The following PDE9A variants were observed in gnomAD, a reference collection of about 807,000 sequenced individuals.
PDE9A encodes the protein high affinity cGMP-specific 3',5'-cyclic phosphodiesterase 9A.
Under a neutral mutation model 87.4 loss-of-function variants are expected in PDE9A, and 60 were observed. The ratio of observed to expected loss-of-function variants is 0.69; its 90% CI spans 0.56 to 0.85. The LOEUF is 0.85. PDE9A is among the 40% of genes least tolerant of loss of function. The probability of loss-of-function intolerance (pLI) is 0.00; values close to 1 mark genes in which losing one functional copy is unlikely to be tolerated. For synonymous variants in PDE9A, 272 were observed against 279.4 expected (o/e 0.97, Z 0.27); for missense variants, 665 against 779.0 (o/e 0.85, Z 1.74).
At chr21:42,685,040 G>A (rs149688328) in intron 1 of PDE9A, among the ~76,000 whole-genome samples, 1 of 152,080 alleles carries the variant, frequency 6.6e-6, no homozygotes, top group African/African-American at 2.4e-5. Context: ...CTAGGCCTGC[G>A]TTTCCCCCAC....
At chr21:42,670,409 T>C (rs62650032) in intron 1 of PDE9A, among the ~76,000 whole-genome samples, 14,765 of 97,454 alleles carry the variant, frequency 0.15, 885 homozygotes, top group African/African-American at 0.23. Flanking sequence ...CATTCACACA[T>C]ACATTCACAC....
At chr21:42,687,776 C>A in intron 2 of PDE9A, 141 bp from the exon 3 acceptor site, 1 of 661,304 alleles carries the variant, frequency 1.5e-6, no homozygotes, top group South Asian at 1.8e-5. Flanking sequence ...GGCCTCCCAC[C>A]CTTCCCATCC....
At chr21:42,773,339 A>G (rs2057194483) in intron 19 of PDE9A, among the ~76,000 whole-genome samples, 1 of 152,086 alleles carries the variant, frequency 6.6e-6, no homozygotes, top group African/African-American at 2.4e-5. Context: ...AATAATTAGC[A>G]TATGTATCAC....
At chr21:42,730,484 G>A (rs555390700) in intron 4 of PDE9A, among the ~76,000 whole-genome samples, 1 of 151,784 alleles carries the variant, frequency 6.6e-6, no homozygotes, top group African/African-American at 2.4e-5. Flanking sequence ...AAATGCATAA[G>A]AAAAAGGGGA....
chr21:42,739,112 C>A lies in PDE9A; in HGVS notation c.569-4664C>A, dbSNP rs1194790022. On this transcript the variant is annotated intron_variant, in intron 7 of 19. Transcript: ENST00000291539. This position sits in a 1 kb window ranked among gnomAD's most constrained non-coding sequence, Gnocchi z 4.1. The stretch of plus-strand genomic sequence containing the variant: ...AGGCAGCCGTGGGCTGGGCTCCCAG[C>A]CCCCTAGCAGGGTCCAGTGGGCCAG... Among the ~76,000 whole-genome samples, 1 of 152,248 alleles carries A rather than the reference C, an allele frequency of 6.6e-6. No homozygotes were observed. The highest frequency in any genetic ancestry group is 1.9e-4 in the East Asian group (1 of 5,198).
rs540476796 is a variant in PDE9A at position 42,769,226 on chromosome 21, C to T, written c.1590+71C>T. On this transcript the variant is annotated intron_variant, in intron 17 of 19. Transcript: ENST00000291539. ...ATGCATGCACACACAGGCACACACA[C>T]ATATACACATATGCACACAGGTACA... is the stretch of plus-strand genomic sequence containing the variant. 7.7e-5 allele frequency: 105 copies of T among 1,366,498 alleles called. No homozygotes were observed. In the African/African-American group the frequency reaches 1.4e-3, roughly 18 times the overall value. 84.6% of individuals were successfully genotyped at this position (1,366,498 alleles called of 1,614,324 possible). A position where few individuals can be genotyped will look rare whatever the true frequency, so the allele number is the denominator to read the frequency against.
chr21:42,678,538 A>G (rs1377189155), intron 1 of PDE9A, among the ~76,000 whole-genome samples: 3 of 152,226 alleles, frequency 2.0e-5, no homozygotes, highest in Non-Finnish European at 4.4e-5. Flanking sequence ...TCCTTGGACA[A>G]CCACCTTAAA....
chr21:42,737,130 C>CT (rs1424042326), intron 7 of PDE9A, among the ~76,000 whole-genome samples: 1 of 152,258 alleles, frequency 6.6e-6, no homozygotes, highest in Non-Finnish European at 1.5e-5. Context: ...AGTCCCAACC[C>CT]TGCACGGCTG....
intron 4 of PDE9A, among the ~76,000 whole-genome samples, chr21:42,701,876 C>T (rs1303716488): frequency 6.6e-6 from 1 of 152,102 alleles, no homozygotes; most frequent in Non-Finnish European, 1.5e-5. Flanking sequence ...ATCTTTGTTC[C>T]TCTGTGTGCA....
intron 19 of PDE9A, among the ~76,000 whole-genome samples, chr21:42,774,987 G>C (rs1318759882): frequency 1.3e-5 from 2 of 150,786 alleles, no homozygotes; most frequent in African/African-American, 4.9e-5. Context: ...TGTTGCCCAG[G>C]CTGGAGTGCA....
rs2146982111 is a variant in PDE9A, at chr21:42,751,106, T to C, written c.654-10T>C. ...CAGGACCACAGCTCATCTCTGCTCC[T>C]TCTCTCTAGGACCAACTGCCCCTGT... is the stretch of plus-strand genomic sequence containing the variant. On this transcript the variant is annotated splice_polypyrimidine_tract_variant and intron_variant, in intron 8 of 19. Coordinates refer to ENST00000291539, the MANE Select transcript of PDE9A (RefSeq NM_002606.3). 1 of 1,585,194 alleles carries C rather than the reference T, an allele frequency of 6.3e-7. No homozygotes were observed. Among genetic ancestry groups the C allele is most frequent in the Non-Finnish European group, 8.7e-7 (1 of 1,153,474 alleles).
rs765252066 is a variant in PDE9A, at chr21:42,685,467, C to CTTTTTTTTTTTTTTTTT, written c.70-709_70-708insTTTTTTTTTTTTTTTTT. On this transcript the variant is annotated intron_variant, in intron 1 of 19. Coordinates refer to ENST00000291539, the MANE Select transcript of PDE9A (RefSeq NM_002606.3). ...CAGTCCCCAAATACCGAAAGGCAGT[C>CTTTTTTTTTTTTTTTTT]TTTTTTTTTTTTTTTTGAGACGGAG... is the stretch of plus-strand genomic sequence containing the variant. 5.4e-4 allele frequency among the ~76,000 whole-genome samples: 63 copies of CTTTTTTTTTTTTTTTTT among 115,928 alleles called. 2 individuals carry two copies. Among genetic ancestry groups the CTTTTTTTTTTTTTTTTT allele is most frequent in the Non-Finnish European group, 7.3e-4 (42 of 57,480 alleles). 76.1% of individuals were successfully genotyped at this position (115,928 alleles called of 152,430 possible).
intron 1 of PDE9A, among the ~76,000 whole-genome samples, chr21:42,663,069 CACAT>C (rs1174781533): frequency 6.7e-6 from 1 of 148,300 alleles, no homozygotes; most frequent in African/African-American, 2.5e-5. Context: ...CACACTTACA[CACAT>C]GCACATCACA....
chr21:42,724,685 C>A, intron 4 of PDE9A: 1 of 716,132 alleles, frequency 1.4e-6, no homozygotes, highest in Non-Finnish European at 1.7e-6. Flanking sequence ...ACTGGGAGCG[C>A]AGCTTTGTGT....
intron 4 of PDE9A, among the ~76,000 whole-genome samples, chr21:42,713,054 G>A (rs989693827): frequency 4.6e-5 from 7 of 152,144 alleles, no homozygotes; most frequent in Non-Finnish European, 8.8e-5. Context: ...AATATTTCCA[G>A]GAAAATACTT....
intron 8 of PDE9A, among the ~76,000 whole-genome samples, chr21:42,745,907 A>C (rs888380383): frequency 3.9e-5 from 6 of 152,228 alleles, no homozygotes; most frequent in Middle Eastern, 3.4e-3. Flanking sequence ...TGGGCCCCAT[A>C]TGGGTTGGGG....
At chr21:42,763,643 CCCCAGGACACTCA>C (rs2056057398) in intron 14 of PDE9A, among the ~76,000 whole-genome samples, 1 of 152,204 alleles carries the variant, frequency 6.6e-6, no homozygotes, top group Non-Finnish European at 1.5e-5. Context: ...TGTGTGGCGG[CCCCAGGACACTCA>C]CCCAGGGCAC....
At position 42,723,638 on chromosome 21, in the gene PDE9A, T is replaced by C. The variant is rs1251486136; in HGVS notation, c.263-8132T>C. On this transcript the variant is annotated intron_variant, in intron 4 of 19. Transcript: ENST00000291539. This position sits in a 1 kb window ranked among gnomAD's most constrained non-coding sequence, Gnocchi z 4.3. ...CTTTTAGATATTCTATTGGTTGTTC[T>C]TGGGGGACAGCTTCCTTTGGAGAAC... 6.6e-6 allele frequency among the ~76,000 whole-genome samples: 1 copy of C among 152,228 alleles called. No individual in the cohort carries two copies. The highest frequency in any genetic ancestry group is 2.4e-5 in the African/African-American group (1 of 41,464).
chr21:42,747,841 A>G (rs1426645144), intron 8 of PDE9A, among the ~76,000 whole-genome samples: 1 of 152,248 alleles, frequency 6.6e-6, no homozygotes, highest in Non-Finnish European at 1.5e-5. Flanking sequence ...GGCCTTGCCC[A>G]CTGGCCTAAG....
Sources: allele counts gnomAD v4.1 joint callset (sites outside exome capture counted in the v4.1 genomes callset), GRCh38; gene constraint gnomAD v4.1.1; non-coding constraint Gnocchi (gnomAD v3.1); transcripts MANE v1.5; gene names NCBI Gene and HGNC (gene_info 2026-07-23, HGNC 2026-07-21).